Variants in FOXO1 observed in about 807,000 individuals in gnomAD.
FOXO1 encodes forkhead box protein O1.
A neutral mutation model predicts 44.1 loss-of-function variants in FOXO1; 6 were observed. That is an observed-to-expected ratio of 0.14 (90% CI 0.07 to 0.27). FOXO1 has a LOEUF of 0.27. FOXO1 is among the 10% of genes least tolerant of loss of function. The pLI is 1.00. For missense variants in FOXO1, 737 were observed against 888.8 expected (o/e 0.83, Z 2.17); for synonymous variants, 380 against 362.7 (o/e 1.05, Z -0.54).
chr13:40,636,231 A>G (rs984008759), intron 1 of FOXO1, among the ~76,000 whole-genome samples: 2 of 152,050 alleles, frequency 1.3e-5, no homozygotes, highest in African/African-American at 4.8e-5. Flanking sequence ...AACAAAAAAC[A>G]AAAAACAAAA....
At chr13:40,559,117 T>C (rs1873877036) in intron 2 of FOXO1, 83 bp from the exon 3 acceptor site, 1 of 403,586 alleles carries the variant, frequency 2.5e-6, no homozygotes, top group Non-Finnish European at 4.4e-6. Flanking sequence ...CAACTTAACA[T>C]GTTAAGAGTG....
intron 1 of FOXO1, among the ~76,000 whole-genome samples, chr13:40,602,629 C>T (rs1875852029): frequency 6.6e-6 from 1 of 152,118 alleles, no homozygotes; most frequent in Admixed American, 6.5e-5. Context: ...TGTTTTTCTA[C>T]CCAAGGTCAT....
At chr13:40,599,647 A>C (rs1254642786) in intron 1 of FOXO1, among the ~76,000 whole-genome samples, 2 of 152,084 alleles carry the variant, frequency 1.3e-5, no homozygotes, top group East Asian at 3.8e-4. Flanking sequence ...GTGGGTACGG[A>C]AAAGGGATGC....
At chr13:40,579,002 T>C (rs1874864969) in intron 1 of FOXO1, among the ~76,000 whole-genome samples, 1 of 152,222 alleles carries the variant, frequency 6.6e-6, no homozygotes, top group Non-Finnish European at 1.5e-5. Flanking sequence ...GAAGAAAATC[T>C]AAGTCTGGCT....
chr13:40,618,558 G>A (rs565854416), intron 1 of FOXO1, among the ~76,000 whole-genome samples: 2 of 152,292 alleles, frequency 1.3e-5, no homozygotes, highest in South Asian at 2.1e-4. Context: ...GAACAGCAGA[G>A]TTATGAAACC....
At chr13:40,582,265 A>G (rs1328763961) in intron 1 of FOXO1, among the ~76,000 whole-genome samples, 1 of 152,258 alleles carries the variant, frequency 6.6e-6, no homozygotes, top group Non-Finnish European at 1.5e-5. Flanking sequence ...TTTTATTGTT[A>G]AAATATGCTA....
intron 1 of FOXO1, among the ~76,000 whole-genome samples, chr13:40,577,026 T>C (rs1227717839): frequency 6.6e-6 from 1 of 152,166 alleles, no homozygotes; most frequent in South Asian, 2.1e-4. Context: ...CACACAAACA[T>C]GGATAAAGCT....
At chr13:40,648,011 G>A (rs1158414800) in intron 1 of FOXO1, among the ~76,000 whole-genome samples, 1 of 152,170 alleles carries the variant, frequency 6.6e-6, no homozygotes, top group East Asian at 1.9e-4. Context: ...ACTTATAGCT[G>A]AGGATGCTCT....
At chr13:40,583,181 T>C (rs1311242407) in intron 1 of FOXO1, among the ~76,000 whole-genome samples, 1 of 152,216 alleles carries the variant, frequency 6.6e-6, no homozygotes, top group African/African-American at 2.4e-5. Context: ...GCAGTAGGTC[T>C]CAACTGTGGG....
intron 1 of FOXO1, chr13:40,621,155 T>C: frequency 2.0e-6 from 1 of 496,528 alleles, no homozygotes; most frequent in South Asian, 2.0e-5. Flanking sequence ...CGCTAGAGCA[T>C]AACAGTATTG....
chr13:40,612,046 G>T (rs998194649), intron 1 of FOXO1, among the ~76,000 whole-genome samples: 1 of 152,064 alleles, frequency 6.6e-6, no homozygotes, highest in Non-Finnish European at 1.5e-5. Context: ...TCCAGCGTGG[G>T]AGACACAGTG....
intron 1 of FOXO1, among the ~76,000 whole-genome samples, chr13:40,634,232 T>A (rs1278104826): frequency 1.3e-5 from 2 of 152,326 alleles, no homozygotes; most frequent in East Asian, 3.9e-4. Context: ...TTTTTCCCAA[T>A]GATACCAAAA....
chr13:40,557,275 CAT>C lies in FOXO1; in HGVS notation c.*1772_*1773del, dbSNP rs1328230595. On this transcript the variant is annotated 3_prime_UTR_variant, in exon 3 of 3. Transcript: ENST00000379561. ...CATTGTGATGACTTTGGGCTTTCCA[CAT>C]GACTTGAAAATACTGATGGACTAAA... The C allele has an allele frequency of 6.6e-6, 1 of 152,212 alleles. No individual in the cohort carries two copies. The highest frequency in any genetic ancestry group is 1.5e-5 in the Non-Finnish European group (1 of 68,038). The allele number at this position is 152,212 out of a possible 1,614,324, so 9.4% of individuals were successfully genotyped here.
intron 1 of FOXO1, among the ~76,000 whole-genome samples, chr13:40,608,662 T>C (rs1876112313): frequency 6.6e-6 from 1 of 152,238 alleles, no homozygotes. Context: ...ATTTTATTGA[T>C]TTCTCCAGGC....
intron 1 of FOXO1, among the ~76,000 whole-genome samples, chr13:40,577,482 T>C (rs1175583199): frequency 2.0e-5 from 3 of 152,140 alleles, no homozygotes; most frequent in Non-Finnish European, 2.9e-5. Context: ...ACAGTTCAAA[T>C]ATTTTGTAGA....
intron 1 of FOXO1, among the ~76,000 whole-genome samples, 171 bp downstream of exon 1, chr13:40,665,412 C>CG (rs1434363401): frequency 6.6e-6 from 1 of 151,740 alleles, no homozygotes; most frequent in Non-Finnish European, 1.5e-5. Flanking sequence ...CACCTACTGC[C>CG]GTCCCCGACC....
Position 40,666,177 on chromosome 13 carries a change from C to G in FOXO1, c.36G>C (p.Pro12=), listed in dbSNP as rs897836723. The G allele has an allele frequency of 1.4e-6, 2 of 1,457,808 alleles. No homozygotes were observed. The highest frequency in any genetic ancestry group is 2.9e-5 in the African/African-American group (2 of 68,038). 90.3% of individuals were successfully genotyped at this position (1,457,808 alleles called of 1,614,324 possible). A position where few individuals can be genotyped will look rare whatever the true frequency, so the allele number is the denominator to read the frequency against. ...GCGGCCGGGGCAGCGGCTCGAAGTCCGGGTCGATCTCCACCACCTGAGGCG... is the reference window on the plus strand; with the variant it reads ...GCGGCCGGGGCAGCGGCTCGAAGTCGGGGTCGATCTCCACCACCTGAGGCG... ...AEAPQVVEID[P]DFEPLPRPRS... is the part of the protein sequence containing the mutation. The change falls in exon 1 of 3, where the codon CCG becomes CCC. Residue 12 remains proline (P), a synonymous_variant. Coordinates refer to ENST00000379561, the MANE Select transcript of FOXO1 (RefSeq NM_002015.4).
chr13:40,587,666 C>G (rs1429043814), intron 1 of FOXO1, among the ~76,000 whole-genome samples: 1 of 152,204 alleles, frequency 6.6e-6, no homozygotes, highest in African/African-American at 2.4e-5. Flanking sequence ...TTTGTTGCTT[C>G]TTCCACATCT....
In FOXO1 at chr13:40,556,448, A is replaced by G. The variant is rs1873753470; in HGVS notation, c.*2601T>C. The stretch of plus-strand genomic sequence containing the variant: ...AATACAATATGCTTTTAATAACAGT[A>G]CAAACCAGAGAAAATAAATCAAACA... On this transcript the variant is annotated 3_prime_UTR_variant, in exon 3 of 3. Coordinates refer to ENST00000379561, the MANE Select transcript of FOXO1 (RefSeq NM_002015.4). The G allele has an allele frequency of 6.6e-6, 1 of 152,668 alleles. No individual in the cohort carries two copies. The highest frequency in any genetic ancestry group is 2.1e-4 in the South Asian group (1 of 4,834). The allele number at this position is 152,668 out of a possible 1,614,324, so 9.5% of individuals were successfully genotyped here. A position where few individuals can be genotyped will look rare whatever the true frequency, so the allele number is the denominator to read the frequency against.
Sources: allele counts gnomAD v4.1 joint callset (sites outside exome capture counted in the v4.1 genomes callset), GRCh38; gene constraint gnomAD v4.1.1; transcripts MANE v1.5; gene names NCBI Gene and HGNC (gene_info 2026-07-23, HGNC 2026-07-21).